IQUB: variants seen among roughly 807,000 people sequenced by gnomAD.
IQUB encodes IQ motif and ubiquitin-like domain-containing protein.
Under a neutral mutation model 86.4 loss-of-function variants are expected in IQUB, and 86 were observed. The observed-to-expected ratio is 1.00, with a 90% confidence interval of 0.84 to 1.19. IQUB has a LOEUF of 1.19. IQUB is among the 50% of genes most tolerant of loss of function. The probability of loss-of-function intolerance (pLI) is 0.00; values close to 1 mark genes in which losing one functional copy is unlikely to be tolerated. For synonymous variants in IQUB, 289 were observed against 304.5 expected (o/e 0.95, Z 0.53); for missense variants, 946 against 916.9 (o/e 1.03, Z -0.41).
intron 11 of IQUB, 103 bp downstream of exon 11, chr7:123,461,254 G>A (rs1406087640): frequency 2.5e-5 from 29 of 1,166,906 alleles, no homozygotes; most frequent in Middle Eastern, 2.1e-4. Context: ...GTGGAATAGA[G>A]AGTCATTAAA....
chr7:123,461,568 T>C lies in IQUB; in HGVS notation c.1796A>G (p.Tyr599Cys), dbSNP rs549414817. The stretch of plus-strand genomic sequence containing the variant: ...ATAAAGCTGGCAACTGTGGCAAAAG[T>C]AAATCTTCTTATAAAATTTCAATGG... ...QDPLKFYKKI[Y>C]FCHSCQLYLP... The change falls in exon 11 of 13, where the codon TAC (tyrosine) becomes TGC (cysteine). Residue 599 changes from tyrosine to cysteine, a missense_variant. Physicochemically the swap from Tyr to Cys is radical, Grantham distance 194 (BLOSUM62 -2). Transcript: ENST00000324698. 7.4e-6 allele frequency: 12 copies of C among 1,610,928 alleles called. No individual in the cohort carries two copies. The highest frequency in any genetic ancestry group is 1.7e-5 in the Admixed American group (1 of 59,644).
intron 8 of IQUB, among the ~76,000 whole-genome samples, chr7:123,470,245 T>G (rs771576385): frequency 1.8e-4 from 27 of 152,172 alleles, no homozygotes; most frequent in Non-Finnish European, 1.3e-4. Flanking sequence ...ACCCAGAAAT[T>G]TCACAGTGAA....
At chr7:123,462,847 G>GA (rs1249070838) in intron 10 of IQUB, 1 of 454,966 alleles carries the variant, frequency 2.2e-6, no homozygotes, top group South Asian at 1.6e-5. Context: ...AATTGTGCAA[G>GA]AAAAAAATAA....
At chr7:123,521,369 G>A (rs1398138169) in intron 1 of IQUB, among the ~76,000 whole-genome samples, 1 of 152,074 alleles carries the variant, frequency 6.6e-6, no homozygotes, top group Non-Finnish European at 1.5e-5. Context: ...AGGGCTGGGT[G>A]CAGTAACTCA....
Position 123,512,189 on chromosome 7 carries a change from TG to T in IQUB, c.151del (p.Gln51AsnfsTer65), listed in dbSNP as rs1796448950. On this transcript the variant is annotated frameshift_variant, in exon 2 of 13. Coordinates refer to ENST00000324698, the MANE Select transcript of IQUB (RefSeq NM_178827.5). LOFTEE classifies it high-confidence loss of function. Reference sequence around the variant, plus strand: ...ATGTATTGCATGGCTCTCACTGAATTGTTCTATTCCAGATTCATGCTCTTCA... The same window carrying T: ...ATGTATTGCATGGCTCTCACTGAATTTTCTATTCCAGATTCATGCTCTTCA... The part of the protein sequence containing the change: ...QTEEHESGIE[Q>X]FSESHAIHVE... The T allele has an allele frequency of 6.2e-7, 1 of 1,614,010 alleles. No individual in the cohort carries two copies. The highest frequency in any genetic ancestry group is 1.3e-5 in the African/African-American group (1 of 74,948).
Position 123,452,900 on chromosome 7 carries a change from T to C in IQUB, c.2219A>G (p.Lys740Arg), listed in dbSNP as rs1287687900. ...EEGYERSFIH[K>R]IKHKHILAKN... ...AGCCAGGATATGTTTGTGTTTGATC[T>C]TGTGAATAAATGAGCGTTCATATCC... Residue 740 changes from lysine (K) to arginine (R), a missense_variant, in exon 13 of 13, where the codon AAG (lysine) becomes AGG (arginine). Physicochemically the swap from Lys to Arg is conservative, Grantham distance 26 (BLOSUM62 2). Transcript: ENST00000324698. 6.2e-7 allele frequency: 1 copy of C among 1,612,404 alleles called. No individual in the cohort carries two copies. Among genetic ancestry groups the C allele is most frequent in the Non-Finnish European group, 8.5e-7 (1 of 1,179,068 alleles).
rs776119731 is a variant in IQUB, at chr7:123,464,878, A to G, written c.1713T>C (p.Tyr571=). The G allele has an allele frequency of 1.7e-5, 28 of 1,605,072 alleles. No homozygotes were observed. The highest frequency in any genetic ancestry group is 2.3e-5 in the Non-Finnish European group (27 of 1,176,672). ...CAGGATTAAACAGAGGTGTTTTGAT[A>G]TAATGAAAAAAGAGTGTCGCAATTC... ...RKRIATLFFH[Y]IKTPLFNPEV... is the part of the protein sequence containing the mutation. Residue 571 remains tyrosine, a synonymous_variant, in exon 10 of 13, where the codon TAT becomes TAC. Coordinates refer to ENST00000324698, the MANE Select transcript of IQUB (RefSeq NM_178827.5).
chr7:123,529,778 G>A (rs1797441824), intron 1 of IQUB, among the ~76,000 whole-genome samples: 1 of 141,778 alleles, frequency 7.1e-6, no homozygotes, highest in Non-Finnish European at 1.5e-5. Context: ...GCTCATGCCT[G>A]TAATCCCAGC....
At chr7:123,502,345 TA>T (rs1795984016) in intron 6 of IQUB, 1 of 449,110 alleles carries the variant, frequency 2.2e-6, no homozygotes, top group African/African-American at 2.1e-5. Context: ...AGAAGGCTAA[TA>T]ATGGCCAAAG....
chr7:123,471,966 G>A lies in IQUB; in HGVS notation c.1411-2582C>T, dbSNP rs868216293. On this transcript the variant is annotated intron_variant, in intron 8 of 12. Transcript: ENST00000324698. ...AGAAATAAATTTCTCGGCCGGACAC[G>A]GTGGCTCACACCTGTAATTTCAGCA... Among the ~76,000 whole-genome samples the A allele has an allele frequency of 6.6e-5, 10 of 152,184 alleles. No individual in the cohort carries two copies. The Middle Eastern group carries it at 0.01, about 155-fold the overall frequency.
At chr7:123,493,720 AATGTGTGTGTAT>A (rs1562855084) in intron 7 of IQUB, among the ~76,000 whole-genome samples, 1 of 132,660 alleles carries the variant, frequency 7.5e-6, no homozygotes, top group Non-Finnish European at 1.6e-5. Flanking sequence ...CCCTGAGAGA[AATGTGTGTGTAT>A]GTGTGTGTGT....
chr7:123,454,253 A>T (rs981576815), intron 12 of IQUB, among the ~76,000 whole-genome samples: 3 of 152,140 alleles, frequency 2.0e-5, no homozygotes, highest in Admixed American at 6.6e-5. Context: ...TTACACATGT[A>T]CAGAACTTTA....
At chr7:123,483,956 A>G (rs1417369220) in intron 7 of IQUB, among the ~76,000 whole-genome samples, 1 of 152,068 alleles carries the variant, frequency 6.6e-6, no homozygotes, top group Non-Finnish European at 1.5e-5. Context: ...ATCAGTCTCT[A>G]TGCATTAGAA....
chr7:123,486,854 T>A (rs1215825935), intron 7 of IQUB, among the ~76,000 whole-genome samples: 1 of 130,030 alleles, frequency 7.7e-6, no homozygotes, highest in Non-Finnish European at 1.7e-5. Flanking sequence ...GGACCTTAGT[T>A]GTGTGCAGGT....
chr7:123,484,455 AACTGAG>A (rs71709931), intron 7 of IQUB, among the ~76,000 whole-genome samples: 39,594 of 151,572 alleles, frequency 0.26, 5,341 homozygotes, highest in East Asian at 0.32. Flanking sequence ...ATAGTCTGAT[AACTGAG>A]ACTATTTATC....
intron 7 of IQUB, among the ~76,000 whole-genome samples, chr7:123,482,295 A>G: frequency 6.6e-6 from 1 of 152,078 alleles, no homozygotes; most frequent in Middle Eastern, 3.2e-3. Context: ...AGTAAAAAAA[A>G]TTAAAAGCAT....
At chr7:123,518,637 C>T (rs774768630) in intron 1 of IQUB, among the ~76,000 whole-genome samples, 3 of 152,180 alleles carry the variant, frequency 2.0e-5, no homozygotes, top group Non-Finnish European at 2.9e-5. Flanking sequence ...CTCTGTCACC[C>T]AGGCTACAGT....
At chr7:123,466,963 T>C (rs1303559118) in intron 9 of IQUB, among the ~76,000 whole-genome samples, 2 of 152,114 alleles carry the variant, frequency 1.3e-5, no homozygotes, top group African/African-American at 2.4e-5. Context: ...CCTATATTTC[T>C]ATGCTATACT....
At chr7:123,489,319 A>G (rs780101313) in intron 7 of IQUB, among the ~76,000 whole-genome samples, 12 of 152,176 alleles carry the variant, frequency 7.9e-5, no homozygotes, top group Non-Finnish European at 1.2e-4. Context: ...CTGGAATAGA[A>G]TAATTGGAAC....
Sources: gnomAD v4.1 joint callset for allele counts (sites outside exome capture counted in the v4.1 genomes callset) on GRCh38, gnomAD v4.1.1 for gene constraint, MANE v1.5 for transcripts, NCBI Gene and HGNC (gene_info 2026-07-23, HGNC 2026-07-21) for gene names.